The following CLSTN2 variants were observed in gnomAD, a reference collection of about 807,000 sequenced individuals.
CLSTN2 encodes the protein calsyntenin-2.
A neutral mutation model predicts 101.2 loss-of-function variants in CLSTN2; 48 were observed. That is an observed-to-expected ratio of 0.47 (90% CI 0.38 to 0.60). The LOEUF is 0.60. Among genes scored for constraint, CLSTN2 ranks in the 20% least tolerant of loss-of-function variants. CLSTN2 has a pLI of 0.00. For synonymous variants in CLSTN2, 481 were observed against 463.6 expected (o/e 1.04, Z -0.48); for missense variants, 1,160 against 1,238.2 (o/e 0.94, Z 0.95).
At chr3:140,538,391 G>C (rs555627305) in intron 9 of CLSTN2, among the ~76,000 whole-genome samples, 1 of 152,336 alleles carries the variant, frequency 6.6e-6, no homozygotes, top group African/African-American at 2.4e-5. Context: ...CCTGTAAATA[G>C]ACAGATGCAG....
At chr3:140,551,492 A>C (rs1473531719) in intron 10 of CLSTN2, among the ~76,000 whole-genome samples, 2 of 151,992 alleles carry the variant, frequency 1.3e-5, no homozygotes, top group African/African-American at 2.4e-5. Context: ...AATCCCTGCC[A>C]ATTTTTCATC....
intron 2 of CLSTN2, among the ~76,000 whole-genome samples, chr3:140,343,218 G>A (rs2087508845): frequency 6.6e-6 from 1 of 152,168 alleles, no homozygotes; most frequent in Non-Finnish European, 1.5e-5. Context: ...GCTCCAGAGT[G>A]CCCTGAAAGA....
intron 1 of CLSTN2, among the ~76,000 whole-genome samples, chr3:139,939,648 C>T (rs146292219): frequency 6.4e-4 from 98 of 152,336 alleles, no homozygotes; most frequent in African/African-American, 2.3e-3. Flanking sequence ...AGAGCAGTCA[C>T]CTCATTCTCT....
At chr3:140,440,595 A>G (rs2088751594) in intron 5 of CLSTN2, among the ~76,000 whole-genome samples, 1 of 152,168 alleles carries the variant, frequency 6.6e-6, no homozygotes, top group Non-Finnish European at 1.5e-5. Context: ...AAACCCTATA[A>G]ACAACTCTGA....
chr3:140,475,161 T>G (rs1933952341), intron 8 of CLSTN2, among the ~76,000 whole-genome samples: 1 of 128,752 alleles, frequency 7.8e-6, no homozygotes, highest in African/African-American at 2.5e-5. Flanking sequence ...TATCAGCAAG[T>G]GAGAGACGTC....
At chr3:140,326,665 C>T (rs2087334533) in intron 2 of CLSTN2, among the ~76,000 whole-genome samples, 1 of 152,112 alleles carries the variant, frequency 6.6e-6, no homozygotes, top group African/African-American at 2.4e-5. Context: ...CAAAAGCTAC[C>T]ACCCTTTTTG....
At chr3:140,399,875 C>A (rs940201022) in intron 2 of CLSTN2, among the ~76,000 whole-genome samples, 1 of 152,038 alleles carries the variant, frequency 6.6e-6, no homozygotes, top group East Asian at 1.9e-4. Flanking sequence ...CCTCCCTCCC[C>A]CTGTTTGTAT....
At chr3:140,352,612 T>A (rs1295375152) in intron 2 of CLSTN2, among the ~76,000 whole-genome samples, 1 of 152,220 alleles carries the variant, frequency 6.6e-6, no homozygotes, top group Non-Finnish European at 1.5e-5. Context: ...TCATTAACAA[T>A]GATACTTACC....
At chr3:140,324,349 G>A (rs1340750455) in intron 2 of CLSTN2, among the ~76,000 whole-genome samples, 1 of 152,160 alleles carries the variant, frequency 6.6e-6, no homozygotes, top group Non-Finnish European at 1.5e-5. Context: ...TCTAGTTCTA[G>A]AGTATTAAAA....
At chr3:140,017,639 G>T (rs1326889269) in intron 1 of CLSTN2, among the ~76,000 whole-genome samples, 1 of 152,226 alleles carries the variant, frequency 6.6e-6, no homozygotes, top group Non-Finnish European at 1.5e-5. Flanking sequence ...ATTGAGTTGG[G>T]CAGCGGGGCC....
At chr3:140,145,845 C>A (rs533421023) in intron 1 of CLSTN2, among the ~76,000 whole-genome samples, 14 of 152,348 alleles carry the variant, frequency 9.2e-5, no homozygotes, top group African/African-American at 3.4e-4. Flanking sequence ...TCCAACACAT[C>A]CCACCCATGT....
chr3:140,096,903 A>G (rs2008878036), intron 1 of CLSTN2, among the ~76,000 whole-genome samples: 1 of 152,224 alleles, frequency 6.6e-6, no homozygotes, highest in Admixed American at 6.5e-5. Context: ...GAGTAGCTAT[A>G]GCCACAGCCT....
chr3:140,179,937 A>G (rs936759526), intron 2 of CLSTN2, among the ~76,000 whole-genome samples: 1 of 152,282 alleles, frequency 6.6e-6, no homozygotes, highest in South Asian at 2.1e-4. Context: ...ATTGCTTTCC[A>G]GAAAAGTTGT....
intron 1 of CLSTN2, among the ~76,000 whole-genome samples, chr3:140,086,457 A>G (rs1339270041): frequency 6.6e-6 from 1 of 152,238 alleles, no homozygotes; most frequent in Non-Finnish European, 1.5e-5. Context: ...ACTTACCTGT[A>G]GGGCTTTTGT....
intron 6 of CLSTN2, among the ~76,000 whole-genome samples, chr3:140,450,847 T>G (rs1933230640): frequency 6.6e-6 from 1 of 152,208 alleles, no homozygotes; most frequent in African/African-American, 2.4e-5. Context: ...TATTGTCATG[T>G]TCCATTTTTC....
intron 2 of CLSTN2, among the ~76,000 whole-genome samples, chr3:140,331,727 A>T (rs1402858261): frequency 6.6e-6 from 1 of 152,180 alleles, no homozygotes; most frequent in Non-Finnish European, 1.5e-5. Context: ...CAAGGCAGTT[A>T]GTCTCTCTTC....
At chr3:140,021,532 AC>A (rs1375206241) in intron 1 of CLSTN2, among the ~76,000 whole-genome samples, 3 of 152,058 alleles carry the variant, frequency 2.0e-5, no homozygotes, top group African/African-American at 7.2e-5. Context: ...ACCGGTGTGT[AC>A]CTGGTATTCT....
intron 2 of CLSTN2, among the ~76,000 whole-genome samples, chr3:140,382,755 C>A (rs528170062): frequency 6.6e-6 from 1 of 152,306 alleles, no homozygotes; most frequent in African/African-American, 2.4e-5. Flanking sequence ...AGGGCCCTCT[C>A]CTGGCTTACG....
At chr3:140,163,379 C>A (rs2107821135) in intron 1 of CLSTN2, among the ~76,000 whole-genome samples, 1 of 151,310 alleles carries the variant, frequency 6.6e-6, no homozygotes, top group African/African-American at 2.4e-5. Context: ...GCTAACCCCC[C>A]ACAAAATGCA....
Sources: gnomAD v4.1 joint callset for allele counts (sites outside exome capture counted in the v4.1 genomes callset) on GRCh38, gnomAD v4.1.1 for gene constraint, MANE v1.5 for transcripts, NCBI Gene and HGNC (gene_info 2026-07-23, HGNC 2026-07-21) for gene names.